The following ANKS1B variants were observed in gnomAD, a reference collection of about 807,000 sequenced individuals.
ANKS1B encodes ankyrin repeat and sterile alpha motif domain containing 1B, also known as ankyrin repeat and sterile alpha motif domain-containing protein 1B.
Under a neutral mutation model 148.3 loss-of-function variants are expected in ANKS1B, and 36 were observed. The ratio of observed to expected loss-of-function variants is 0.24; its 90% CI spans 0.19 to 0.32. The LOEUF is 0.32. ANKS1B is among the 10% of genes least tolerant of loss of function. The probability of loss-of-function intolerance (pLI) is 1.00; values close to 1 mark genes in which losing one functional copy is unlikely to be tolerated. For synonymous variants in ANKS1B, 542 were observed against 560.8 expected (o/e 0.97, Z 0.47); for missense variants, 1,157 against 1,542.6 (o/e 0.75, Z 4.19).
At chr12:99,457,743 C>T (rs1268675469) in intron 10 of ANKS1B, among the ~76,000 whole-genome samples, 2 of 151,988 alleles carry the variant, frequency 1.3e-5, no homozygotes, top group African/African-American at 2.4e-5. Context: ...CCTAAATATA[C>T]ATGCACCTAA....
At chr12:99,109,722 G>T (rs2059918457) in intron 15 of ANKS1B, among the ~76,000 whole-genome samples, 1 of 152,152 alleles carries the variant, frequency 6.6e-6, no homozygotes, top group Non-Finnish European at 1.5e-5. Context: ...GGAAATTCTA[G>T]AGCTGGCATT....
Position 99,608,373 on chromosome 12 carries a change from C to T in ANKS1B, c.1272+46694G>A, listed in dbSNP as rs150347635. Among the ~76,000 whole-genome samples the T allele has an allele frequency of 3.3e-4, 50 of 152,154 alleles. No homozygotes were observed. In the South Asian group the frequency reaches 6.5e-3, roughly 20 times the overall value. On this transcript the variant is annotated intron_variant, in intron 9 of 26. Transcript: ENST00000683438. Reference sequence around the variant, plus strand: ...CCATTCTGTCTGACCCAGTCAAACACCTGAGGCTTCTCTTATGTGAGGGCA... The same window carrying T: ...CCATTCTGTCTGACCCAGTCAAACATCTGAGGCTTCTCTTATGTGAGGGCA...
chr12:99,964,296 T>G lies in ANKS1B; in HGVS notation c.134+19808A>C, dbSNP rs186250303. Reference sequence around the variant, plus strand: ...CATTAATTGCCCAATTTTCTTCCAATACAAGGTACAGCCAATGCTGACTTT... The same window carrying G: ...CATTAATTGCCCAATTTTCTTCCAAGACAAGGTACAGCCAATGCTGACTTT... On this transcript the variant is annotated intron_variant, in intron 1 of 26. Coordinates refer to ENST00000683438, the MANE Select transcript of ANKS1B (RefSeq NM_001352186.2). Among the ~76,000 whole-genome samples the G allele has an allele frequency of 2.0e-4, 30 of 152,334 alleles. No individual in the cohort carries two copies. In the East Asian group the frequency reaches 3.1e-3, roughly 16 times the overall value.
At chr12:99,804,986 A>G (rs899360749) in intron 4 of ANKS1B, among the ~76,000 whole-genome samples, 2 of 152,170 alleles carry the variant, frequency 1.3e-5, no homozygotes, top group African/African-American at 2.4e-5. Flanking sequence ...ACAGAAACAC[A>G]TAACTGATTT....
chr12:99,664,687 C>T (rs1185854561), intron 8 of ANKS1B, among the ~76,000 whole-genome samples: 33 of 152,298 alleles, frequency 2.2e-4, no homozygotes. Context: ...CAAAAGGTTA[C>T]CTTGAATCCC....
chr12:99,626,911 C>T (rs2098116822), intron 9 of ANKS1B, among the ~76,000 whole-genome samples: 2 of 152,300 alleles, frequency 1.3e-5, no homozygotes, highest in Admixed American at 1.3e-4. Context: ...TGTCTTTCAT[C>T]TTTCTATGAT....
rs533296184 is a variant in ANKS1B, at chr12:99,836,927, A to G, written c.135-11538T>C. 6.3e-4 allele frequency among the ~76,000 whole-genome samples: 96 copies of G among 152,290 alleles called. No homozygotes were observed. In the Middle Eastern group the frequency reaches 0.01, roughly 16 times the overall value. On this transcript the variant is annotated intron_variant, in intron 1 of 26. Transcript: ENST00000683438. ...CCAGGGTACTATGGTAGGAAAAAAT[A>G]ATGGTACCCCCAAGATGTATACGTC...
At chr12:99,238,120 G>T (rs548089285) in intron 14 of ANKS1B, among the ~76,000 whole-genome samples, 13 of 152,234 alleles carry the variant, frequency 8.5e-5, no homozygotes, top group Non-Finnish European at 1.9e-4. Flanking sequence ...AAGTGCAAGG[G>T]GTTGGGGGAT....
chr12:99,810,679 T>C (rs1242069726), intron 3 of ANKS1B, among the ~76,000 whole-genome samples: 1 of 152,034 alleles, frequency 6.6e-6, no homozygotes, highest in African/African-American at 2.4e-5. Context: ...CTATTCAACA[T>C]TACCAAAAAC....
chr12:99,065,894 G>GA (rs1324156832), intron 16 of ANKS1B, among the ~76,000 whole-genome samples: 1 of 152,152 alleles, frequency 6.6e-6, no homozygotes, highest in Non-Finnish European at 1.5e-5. Context: ...TAAGTGCTGT[G>GA]AAAAAAGAGA....
chr12:99,302,572 T>A (rs2154021213), intron 12 of ANKS1B, among the ~76,000 whole-genome samples: 1 of 152,282 alleles, frequency 6.6e-6, no homozygotes, highest in Non-Finnish European at 1.5e-5. Flanking sequence ...TCAGATGACA[T>A]TGTGCTTCAG....
intron 9 of ANKS1B, among the ~76,000 whole-genome samples, chr12:99,549,126 G>A (rs1201260639): frequency 1.3e-5 from 2 of 152,120 alleles, no homozygotes; most frequent in African/African-American, 4.8e-5. Context: ...CGAAACTCTA[G>A]ATAGGTCATA....
chr12:99,581,897 CA>C (rs369048602), intron 9 of ANKS1B, among the ~76,000 whole-genome samples: 1,632 of 60,740 alleles, frequency 0.027, 12 homozygotes, highest in African/African-American at 0.086. Flanking sequence ...GACTCCGTCT[CA>C]AAAAAAAAAA....
chr12:99,890,570 GGTGT>G (rs10603901), intron 1 of ANKS1B, among the ~76,000 whole-genome samples: 14,151 of 137,428 alleles, frequency 0.1, 823 homozygotes, highest in East Asian at 0.26. Context: ...TCGCATTCAT[GGTGT>G]GTGTGTGTGT....
At chr12:99,597,543 G>C (rs914819011) in intron 9 of ANKS1B, among the ~76,000 whole-genome samples, 11 of 151,956 alleles carry the variant, frequency 7.2e-5, no homozygotes, top group African/African-American at 2.4e-4. Flanking sequence ...ATAGAATAAA[G>C]TACAAAGTAA....
intron 1 of ANKS1B, among the ~76,000 whole-genome samples, chr12:99,957,154 C>T (rs537899656): frequency 9.9e-5 from 15 of 152,216 alleles, no homozygotes; most frequent in Admixed American, 9.2e-4. Context: ...GATAAGGAGA[C>T]GATATATCTA....
intron 1 of ANKS1B, among the ~76,000 whole-genome samples, chr12:99,901,018 T>C (rs771653528): frequency 7.9e-5 from 12 of 152,196 alleles, no homozygotes; most frequent in Admixed American, 1.3e-4. Context: ...AAAAGCAAAT[T>C]GTCTTTGAGC....
intron 16 of ANKS1B, among the ~76,000 whole-genome samples, chr12:99,055,868 G>A (rs1287727513): frequency 6.6e-6 from 1 of 152,148 alleles, no homozygotes; most frequent in African/African-American, 2.4e-5. Context: ...GTTGAGCTTG[G>A]TTGAATGATT....
rs558926257 is a variant in ANKS1B at position 99,186,624 on chromosome 12, T to C, written c.2420-32229A>G. Among the ~76,000 whole-genome samples the C allele has an allele frequency of 1.4e-4, 21 of 152,038 alleles. No individual in the cohort carries two copies. The South Asian group carries it at 3.7e-3, about 27-fold the overall frequency. ...GGTCTGGAGTGGACCTCCAGCAAAC[T>C]CCAGTAGACCTGCAGCAGAGGGGCC... On this transcript the variant is annotated intron_variant, in intron 14 of 26. Transcript: ENST00000683438.
Sources: allele counts gnomAD v4.1 joint callset (sites outside exome capture counted in the v4.1 genomes callset), GRCh38; gene constraint gnomAD v4.1.1; transcripts MANE v1.5; gene names NCBI Gene and HGNC (gene_info 2026-07-23, HGNC 2026-07-21).